Variants in KCNIP4 observed in about 807,000 individuals in gnomAD.
The protein encoded by KCNIP4 is potassium voltage-gated channel interacting protein 4, also known as Kv channel-interacting protein 4.
Under a neutral mutation model 34.0 loss-of-function variants are expected in KCNIP4, and 12 were observed. That is an observed-to-expected ratio of 0.35 (90% confidence interval 0.23 to 0.57). The LOEUF is 0.57. Among genes scored for constraint, KCNIP4 ranks in the 20% least tolerant of loss-of-function variants. The pLI is 0.83. For synonymous variants in KCNIP4, 124 were observed against 102.2 expected (o/e 1.21, Z -1.29); for missense variants, 238 against 311.7 (o/e 0.76, Z 1.78).
chr4:21,178,162 A>C (rs929078764), intron 1 of KCNIP4, among the ~76,000 whole-genome samples: 11 of 152,150 alleles, frequency 7.2e-5, no homozygotes, highest in Non-Finnish European at 1.2e-4. Context: ...TGCCTTAGAA[A>C]TAAGGTTCTT....
intron 1 of KCNIP4, chr4:21,848,650 C>A (rs995211074): frequency 2.0e-5 from 3 of 152,040 alleles, no homozygotes; most frequent in Non-Finnish European, 4.4e-5. Context: ...TCTAAAATAT[C>A]CCTAAGGGCC....
chr4:21,109,022 C>T (rs937610421), intron 1 of KCNIP4, among the ~76,000 whole-genome samples: 6 of 152,286 alleles, frequency 3.9e-5, no homozygotes, highest in African/African-American at 1.4e-4. Context: ...GGGGGTGCCT[C>T]CCAGTTAGGC....
At chr4:21,112,039 ATCTATCTATC>A (rs1749241350) in intron 1 of KCNIP4, among the ~76,000 whole-genome samples, 2 of 151,758 alleles carry the variant, frequency 1.3e-5, no homozygotes, top group Non-Finnish European at 2.9e-5. Flanking sequence ...CTATCTATCT[ATCTATCTATC>A]TATCTATCTA....
intron 1 of KCNIP4, among the ~76,000 whole-genome samples, chr4:21,239,075 T>C (rs1295600116): frequency 1.3e-5 from 2 of 151,892 alleles, no homozygotes; most frequent in African/African-American, 4.8e-5. Context: ...ATGCTGCATA[T>C]CTACAACTAT....
intron 1 of KCNIP4, among the ~76,000 whole-genome samples, chr4:21,203,920 G>C (rs932308422): frequency 6.6e-6 from 1 of 152,186 alleles, no homozygotes; most frequent in African/African-American, 2.4e-5. Flanking sequence ...GGGAAGGGCT[G>C]CTTCTCTTTT....
intron 3 of KCNIP4, among the ~76,000 whole-genome samples, chr4:20,821,941 G>A (rs991708470): frequency 1.3e-5 from 2 of 151,630 alleles, no homozygotes; most frequent in East Asian, 1.9e-4. Context: ...GGGCACTTAC[G>A]GTTCCACATC....
In KCNIP4 at chr4:21,695,521, A is replaced by G. The variant is rs187848523; in HGVS notation, c.61+253050T>C. 2.6e-3 allele frequency among the ~76,000 whole-genome samples: 392 copies of G among 152,114 alleles called. 1 individual carries two copies. Among genetic ancestry groups the G allele is most frequent in the African/African-American group, 9.1e-3 (380 of 41,548 alleles). On this transcript the variant is annotated intron_variant, in intron 1 of 8. Coordinates refer to ENST00000382152, the MANE Select transcript of KCNIP4 (RefSeq NM_025221.6). ...CGCATTGAATAAAGCTTAAAATACT[A>G]CTGCTATACCAGCTTTCCATAATTT...
intron 1 of KCNIP4, among the ~76,000 whole-genome samples, chr4:21,396,098 T>G (rs530312499): frequency 2.1e-4 from 32 of 150,864 alleles, no homozygotes; most frequent in African/African-American, 7.3e-4. Flanking sequence ...CTATGTAGAG[T>G]CTCCTATATA....
At chr4:21,356,724 GA>G in intron 1 of KCNIP4, among the ~76,000 whole-genome samples, 1 of 152,124 alleles carries the variant, frequency 6.6e-6, no homozygotes, top group African/African-American at 2.4e-5. Flanking sequence ...TCAATATCGT[GA>G]AAATGGCCAT....
intron 1 of KCNIP4, among the ~76,000 whole-genome samples, chr4:21,250,952 T>C (rs150286775): frequency 1.5e-3 from 227 of 151,522 alleles, no homozygotes; most frequent in African/African-American, 5.2e-3. Flanking sequence ...CAAATATGTA[T>C]ATATCTACAC....
At chr4:21,266,515 T>C (rs1224691731) in intron 1 of KCNIP4, among the ~76,000 whole-genome samples, 2 of 152,218 alleles carry the variant, frequency 1.3e-5, no homozygotes, top group Non-Finnish European at 2.9e-5. Flanking sequence ...TCCCTGGATT[T>C]AGCCAGAATG....
intron 1 of KCNIP4, among the ~76,000 whole-genome samples, chr4:20,914,885 CAGAA>C (rs1255971424): frequency 6.6e-6 from 1 of 152,128 alleles, no homozygotes; most frequent in Non-Finnish European, 1.5e-5. Context: ...CCAATGACCA[CAGAA>C]AGAAAGAAAC....
intron 1 of KCNIP4, among the ~76,000 whole-genome samples, chr4:21,751,196 A>G (rs1222499940): frequency 6.6e-6 from 1 of 152,180 alleles, no homozygotes; most frequent in African/African-American, 2.4e-5. Context: ...AAGGAGGCAG[A>G]GCTAGTGTTA....
intron 1 of KCNIP4, among the ~76,000 whole-genome samples, chr4:21,473,715 CTTT>C (rs572883935): frequency 1.4e-5 from 2 of 138,234 alleles, no homozygotes; most frequent in Non-Finnish European, 1.6e-5. Context: ...ACTGAGAATT[CTTT>C]TTTTTTTTTT....
intron 1 of KCNIP4, among the ~76,000 whole-genome samples, chr4:21,893,856 G>A (rs1313866897): frequency 6.6e-6 from 1 of 152,090 alleles, no homozygotes; most frequent in African/African-American, 2.4e-5. Flanking sequence ...GATTACATCT[G>A]AACTGAATTT....
Position 21,859,998 on chromosome 4 carries a change from G to GC in KCNIP4, c.61+88572dup, listed in dbSNP as rs1252095829. ...CTAGGCTGTAATGAGCTGTGATGGT[G>GC]CCACTGCACTCCAGGCTGGACAACT... On this transcript the variant is annotated intron_variant, in intron 1 of 8. Transcript: ENST00000382152. 5.9e-5 allele frequency among the ~76,000 whole-genome samples: 9 copies of GC among 152,296 alleles called. No homozygotes were observed. In the South Asian group the frequency reaches 1.9e-3, roughly 32 times the overall value.
At chr4:21,463,248 G>T (rs1729627989) in intron 1 of KCNIP4, among the ~76,000 whole-genome samples, 1 of 151,986 alleles carries the variant, frequency 6.6e-6, no homozygotes. Context: ...GTTTTGATTT[G>T]CATTTCCATG....
At chr4:21,552,038 TA>T (rs67181064) in intron 1 of KCNIP4, among the ~76,000 whole-genome samples, 4,176 of 53,556 alleles carry the variant, frequency 0.078, 179 homozygotes, top group African/African-American at 0.19. Flanking sequence ...GAGCTTTTTT[TA>T]AAAAAAAAAA....
At chr4:20,814,981 A>ATCTC (rs140025844) in intron 3 of KCNIP4, among the ~76,000 whole-genome samples, 1 of 151,944 alleles carries the variant, frequency 6.6e-6, no homozygotes, top group South Asian at 2.1e-4. Flanking sequence ...CTAATAATTT[A>ATCTC]TCTCTCTCTC....
Sources: gnomAD v4.1 joint callset for allele counts (sites outside exome capture counted in the v4.1 genomes callset) on GRCh38, gnomAD v4.1.1 for gene constraint, MANE v1.5 for transcripts, NCBI Gene and HGNC (gene_info 2026-07-23, HGNC 2026-07-21) for gene names.